KDM4C: variants seen among roughly 807,000 people sequenced by gnomAD.
The protein encoded by KDM4C is lysine demethylase 4C.
In KDM4C, 81 loss-of-function variants were observed where a neutral mutation model predicts 129.3. The ratio of observed to expected loss-of-function variants is 0.63; its 90% CI spans 0.52 to 0.75. KDM4C has a LOEUF of 0.75. Among genes scored for constraint, KDM4C ranks in the 30% least tolerant of loss-of-function variants. The probability of loss-of-function intolerance (pLI) is 0.00; values close to 1 mark genes in which losing one functional copy is unlikely to be tolerated. For missense variants in KDM4C, 1,457 were observed against 1,304.0 expected, an observed-to-expected ratio of 1.12 and a Z score of -1.81; for synonymous variants, 573 against 456.1, an observed-to-expected ratio of 1.26 and a Z score of -3.26.
intron 18 of KDM4C, among the ~76,000 whole-genome samples, chr9:7,118,288 C>T (rs1319730492): frequency 6.6e-6 from 1 of 152,174 alleles, no homozygotes; most frequent in African/African-American, 2.4e-5. Flanking sequence ...TGAACATACA[C>T]ACATGTGGAA....
At chr9:6,738,928 A>G (rs1817606640) in intron 1 of KDM4C, among the ~76,000 whole-genome samples, 1 of 151,738 alleles carries the variant, frequency 6.6e-6, no homozygotes, top group Non-Finnish European at 1.5e-5. Context: ...GGGTTTCCCC[A>G]TGTTTGCCCT....
chr9:6,984,497 C>A, intron 10 of KDM4C, 93 bp downstream of exon 10: 1 of 797,188 alleles, frequency 1.3e-6, no homozygotes, highest in Non-Finnish European at 2.1e-6. Flanking sequence ...AAGTATCTGA[C>A]TAGTCCACAT....
chr9:6,979,465 G>C (rs1214140404), intron 8 of KDM4C, among the ~76,000 whole-genome samples: 1 of 152,126 alleles, frequency 6.6e-6, no homozygotes, highest in African/African-American at 2.4e-5. Context: ...CCCATGACTT[G>C]GGTTGAAGAG....
intron 17 of KDM4C, among the ~76,000 whole-genome samples, chr9:7,066,384 A>C (rs777536890): frequency 1.3e-5 from 2 of 152,220 alleles, no homozygotes; most frequent in South Asian, 2.1e-4. Context: ...TTTGGAAGGC[A>C]CAAGAGAAGG....
rs1007715931 is a variant in KDM4C, at chr9:6,899,917, T to C, written c.921+6685T>C. Among the ~76,000 whole-genome samples the C allele has an allele frequency of 2.6e-5, 4 of 152,222 alleles. No homozygotes were observed. The East Asian group carries it at 7.7e-4, about 29-fold the overall frequency. ...ACCTGAAATCAAGGCATTATCTGCT[T>C]TTGAGTCTATAGTTTGTCAGTACCT... On this transcript the variant is annotated intron_variant, in intron 8 of 21. Transcript: ENST00000381309.
At chr9:6,768,069 C>T (rs909302838) in intron 1 of KDM4C, among the ~76,000 whole-genome samples, 1 of 152,050 alleles carries the variant, frequency 6.6e-6, no homozygotes, top group African/African-American at 2.4e-5. Context: ...AGCCTTTAGA[C>T]AGCTAGTTCC....
At chr9:6,722,965 A>G (rs747775988) in intron 1 of KDM4C, among the ~76,000 whole-genome samples, 29 of 152,194 alleles carry the variant, frequency 1.9e-4, no homozygotes, top group Admixed American at 3.9e-4. Context: ...CCTGGGCAAC[A>G]GAGCGATACA....
intron 1 of KDM4C, among the ~76,000 whole-genome samples, chr9:6,745,101 A>G (rs537994778): frequency 6.6e-6 from 1 of 151,976 alleles, no homozygotes; most frequent in Admixed American, 6.6e-5. Context: ...TTTTGACCCC[A>G]TTTTCTGGGT....
At chr9:6,731,602 G>A (rs910936730) in intron 1 of KDM4C, among the ~76,000 whole-genome samples, 17 of 152,068 alleles carry the variant, frequency 1.1e-4, no homozygotes, top group South Asian at 4.1e-4. Context: ...AAAGTGCTGG[G>A]ATTACAGGCA....
chr9:7,029,250 A>T (rs1337501770), intron 15 of KDM4C, among the ~76,000 whole-genome samples: 1 of 151,190 alleles, frequency 6.6e-6, no homozygotes, highest in Non-Finnish European at 1.5e-5. Context: ...TCACCATAAA[A>T]ATGTAGAATT....
intron 1 of KDM4C, among the ~76,000 whole-genome samples, chr9:6,746,886 G>C (rs1437962762): frequency 6.7e-6 from 1 of 150,214 alleles, no homozygotes. Context: ...GGCACCTGTA[G>C]TCCCAGCTAC....
rs139998834 is a variant in KDM4C, at chr9:6,802,731, G to A, written c.145-2868G>A. Among the ~76,000 whole-genome samples, 266 of 152,256 alleles carry A rather than the reference G, an allele frequency of 1.7e-3. 1 individual carries two copies. Among genetic ancestry groups the A allele is most frequent in the African/African-American group, 6.0e-3 (251 of 41,550 alleles). The stretch of plus-strand genomic sequence containing the variant: ...CAACAATTCACCTGCCTCAGCCTCC[G>A]GAGGAGCTTGGACTACAGGCATTGA... On this transcript the variant is annotated intron_variant, in intron 2 of 21. Coordinates refer to ENST00000381309, the MANE Select transcript of KDM4C (RefSeq NM_015061.6).
At chr9:6,991,340 C>T (rs1044956574) in intron 12 of KDM4C, among the ~76,000 whole-genome samples, 2 of 152,072 alleles carry the variant, frequency 1.3e-5, no homozygotes, top group African/African-American at 4.8e-5. Context: ...TGCCTCAGCC[C>T]CGCAAAGTGC....
chr9:6,872,480 C>T (rs928177963), intron 5 of KDM4C, among the ~76,000 whole-genome samples: 3 of 152,124 alleles, frequency 2.0e-5, no homozygotes, highest in East Asian at 3.9e-4. Context: ...GTTAAAGTCT[C>T]CCACTATTAT....
chr9:6,730,907 G>A (rs770230898), intron 1 of KDM4C, among the ~76,000 whole-genome samples: 6 of 152,164 alleles, frequency 3.9e-5, no homozygotes, highest in Admixed American at 3.9e-4. Flanking sequence ...CTTGTTACAG[G>A]CAAATACTCC....
intron 8 of KDM4C, among the ~76,000 whole-genome samples, chr9:6,955,286 G>A (rs745431309): frequency 2.6e-5 from 4 of 152,180 alleles, no homozygotes; most frequent in Non-Finnish European, 5.9e-5. Flanking sequence ...CTTAGGTGGG[G>A]TAAGGCACAG....
At chr9:6,866,459 C>G (rs1841997370) in intron 5 of KDM4C, among the ~76,000 whole-genome samples, 1 of 152,078 alleles carries the variant, frequency 6.6e-6, no homozygotes, top group Non-Finnish European at 1.5e-5. Flanking sequence ...ACCTGTGGGA[C>G]AGACCTCCTA....
chr9:7,092,028 G>T lies in KDM4C; in HGVS notation c.2425-11657G>T, dbSNP rs372673558. 4.6e-5 allele frequency among the ~76,000 whole-genome samples: 7 copies of T among 152,110 alleles called. No homozygotes were observed. The East Asian group carries it at 5.8e-4, about 13-fold the overall frequency. Reference sequence around the variant, plus strand: ...ATAACTGGGGTGATCTGATTTTTTTGTCCCATGTGGATCTTATACCCAAGC... The same window carrying T: ...ATAACTGGGGTGATCTGATTTTTTTTTCCCATGTGGATCTTATACCCAAGC... On this transcript the variant is annotated intron_variant, in intron 17 of 21. Coordinates refer to ENST00000381309, the MANE Select transcript of KDM4C (RefSeq NM_015061.6).
chr9:7,073,454 C>G (rs1266652864), intron 17 of KDM4C, among the ~76,000 whole-genome samples: 1 of 152,208 alleles, frequency 6.6e-6, no homozygotes, highest in Non-Finnish European at 1.5e-5. Context: ...CCTGACCCAA[C>G]TCCCATGTTC....
Sources: gnomAD v4.1 joint callset for allele counts (sites outside exome capture counted in the v4.1 genomes callset) on GRCh38, gnomAD v4.1.1 for gene constraint, MANE v1.5 for transcripts, NCBI Gene and HGNC (gene_info 2026-07-23, HGNC 2026-07-21) for gene names.